TSHR: variants seen among roughly 807,000 people sequenced by gnomAD.
The protein encoded by TSHR is thyroid stimulating hormone receptor, also known as thyrotropin receptor.
Under a neutral mutation model 64.1 loss-of-function variants are expected in TSHR, and 51 were observed. The observed-to-expected ratio is 0.80, with a 90% CI of 0.64 to 1.01. The LOEUF is 1.01. Ranked by LOEUF, TSHR falls within the 50% of genes least tolerant of loss-of-function variation. TSHR has a pLI of 0.00. For synonymous variants in TSHR, 361 were observed against 361.9 expected (o/e 1.00, Z 0.03); for missense variants, 877 against 942.8 (o/e 0.93, Z 0.91).
chr14:80,986,260 G>T (rs140204721), intron 1 of TSHR, among the ~76,000 whole-genome samples: 1 of 152,106 alleles, frequency 6.6e-6, no homozygotes, highest in Non-Finnish European at 1.5e-5. Context: ...GATATTTATT[G>T]TCTTGGGGAC....
chr14:81,132,854 GAA>G (rs5810012), intron 8 of TSHR, among the ~76,000 whole-genome samples: 67 of 141,148 alleles, frequency 4.7e-4, no homozygotes, highest in Admixed American at 2.3e-3. Flanking sequence ...TTCTTACTCA[GAA>G]AAAAAAAAAA....
intron 8 of TSHR, among the ~76,000 whole-genome samples, chr14:81,131,311 G>T (rs2140087579): frequency 6.6e-6 from 1 of 152,204 alleles, no homozygotes; most frequent in Non-Finnish European, 1.5e-5. Context: ...TACCACCCTA[G>T]TCCAAAGCAC....
At chr14:81,092,416 G>T (rs1888813232) in intron 5 of TSHR, 115 bp from the exon 6 acceptor site, 3 of 1,011,214 alleles carry the variant, frequency 3.0e-6, no homozygotes, top group African/African-American at 1.6e-5. Flanking sequence ...AACTTAAAAA[G>T]AAATAAGATT....
At chr14:81,071,623 T>C (rs922901622) in intron 3 of TSHR, among the ~76,000 whole-genome samples, 2 of 152,068 alleles carry the variant, frequency 1.3e-5, no homozygotes, top group Admixed American at 6.6e-5. Flanking sequence ...TAGCTGAGCA[T>C]GGTAGTGCAA....
chr14:80,967,884 G>C (rs1222158901), intron 1 of TSHR, among the ~76,000 whole-genome samples: 1 of 152,162 alleles, frequency 6.6e-6, no homozygotes, highest in Non-Finnish European at 1.5e-5. Context: ...CAGGGAGAGA[G>C]GGAGAGTTTG....
At chr14:81,007,421 G>A (rs539853292) in intron 1 of TSHR, among the ~76,000 whole-genome samples, 13 of 152,270 alleles carry the variant, frequency 8.5e-5, no homozygotes, top group Admixed American at 3.3e-4. Context: ...TGAGAGTACT[G>A]GCCAGATATT....
At chr14:81,142,572 T>A (rs939464817) in intron 9 of TSHR, among the ~76,000 whole-genome samples, 1 of 151,506 alleles carries the variant, frequency 6.6e-6, no homozygotes, top group South Asian at 2.1e-4. Context: ...TTTTCATAAA[T>A]GTGGGAACCA....
intron 1 of TSHR, among the ~76,000 whole-genome samples, chr14:80,968,206 G>A (rs959221595): frequency 6.6e-6 from 1 of 152,148 alleles, no homozygotes; most frequent in Non-Finnish European, 1.5e-5. Flanking sequence ...AGAACTGGTA[G>A]CTGCAGCAGG....
At chr14:80,956,501 A>G (rs1398259061) in intron 1 of TSHR, among the ~76,000 whole-genome samples, 1 of 152,250 alleles carries the variant, frequency 6.6e-6, no homozygotes, top group Non-Finnish European at 1.5e-5. Flanking sequence ...ATGTTACCAG[A>G]TTAGAAACCT....
rs567898504 is a variant in TSHR at position 80,982,909 on chromosome 14, C to T, written c.170+27059C>T. On this transcript the variant is annotated intron_variant, in intron 1 of 9. Transcript: ENST00000298171. ...GATTAGGGAGGTAAATGGGATTAAG[C>T]CATTTGCTTACTCTTGCAAAATGGA... 9.7e-6 allele frequency: 5 copies of T among 514,898 alleles called. No homozygotes were observed. The South Asian group carries it at 1.2e-4, about 13-fold the overall frequency. The allele number at this position is 514,898 out of a possible 1,614,324, so 31.9% of individuals were successfully genotyped here.
chr14:81,075,863 T>C (rs1015057068), intron 3 of TSHR, among the ~76,000 whole-genome samples: 2 of 152,004 alleles, frequency 1.3e-5, no homozygotes, highest in African/African-American at 4.8e-5. Flanking sequence ...TATTGTGACA[T>C]TATTCACAAT....
chr14:81,143,140 A>G lies in TSHR; in HGVS notation c.1082A>G (p.Asp361Gly), dbSNP rs1211788059. 5 of 1,614,008 alleles carry G rather than the reference A, an allele frequency of 3.1e-6. No homozygotes were observed. The African/African-American group carries it at 5.3e-5, about 17-fold the overall frequency. The change falls in exon 10 of 10, where the codon GAT becomes GGT. Residue 361 changes from aspartate to glycine, a missense_variant. Transcript: ENST00000298171. ...TACGTCTTCTTTGAAGAACAAGAGG[A>G]TGAGATCATTGGTTTTGGCCAGGAG... ...HYYVFFEEQE[D>G]EIIGFGQELK...
intron 1 of TSHR, among the ~76,000 whole-genome samples, chr14:80,964,456 GT>G: frequency 6.6e-6 from 1 of 152,308 alleles, no homozygotes; most frequent in Non-Finnish European, 1.5e-5. Flanking sequence ...TAGAGTAGTA[GT>G]TTTTTGTCCA....
intron 1 of TSHR, among the ~76,000 whole-genome samples, chr14:81,017,245 C>T (rs955581228): frequency 1.3e-5 from 2 of 152,130 alleles, no homozygotes; most frequent in South Asian, 2.1e-4. Context: ...TTAAATGTGG[C>T]CAATGCCTTG....
intron 1 of TSHR, among the ~76,000 whole-genome samples, chr14:81,035,710 G>T (rs2139831622): frequency 6.6e-6 from 1 of 152,236 alleles, no homozygotes; most frequent in East Asian, 1.9e-4. Flanking sequence ...GGTAATGCTT[G>T]TGTTTTGTTT....
intron 8 of TSHR, among the ~76,000 whole-genome samples, chr14:81,138,905 C>T (rs766068701): frequency 6.6e-6 from 1 of 152,250 alleles, no homozygotes; most frequent in East Asian, 1.9e-4. Flanking sequence ...AGACATGGAA[C>T]CTGGACTCTC....
chr14:81,118,748 G>A (rs962191930), intron 8 of TSHR, among the ~76,000 whole-genome samples: 8 of 152,098 alleles, frequency 5.3e-5, no homozygotes, highest in African/African-American at 1.9e-4. Flanking sequence ...GAACAAAGCT[G>A]GAGGCATCAC....
chr14:80,997,576 A>C (rs113833668), intron 1 of TSHR, among the ~76,000 whole-genome samples: 2 of 152,246 alleles, frequency 1.3e-5, no homozygotes, highest in Non-Finnish European at 2.9e-5. Flanking sequence ...CTTTTACCCT[A>C]AAATGATCAT....
chr14:81,061,299 C>A (rs1199984234), intron 1 of TSHR, among the ~76,000 whole-genome samples: 1 of 152,006 alleles, frequency 6.6e-6, no homozygotes, highest in Non-Finnish European at 1.5e-5. Flanking sequence ...GCTATAAATT[C>A]AGTAGTCTTA....
Sources: gnomAD v4.1 joint callset for allele counts (sites outside exome capture counted in the v4.1 genomes callset) on GRCh38, gnomAD v4.1.1 for gene constraint, MANE v1.5 for transcripts, NCBI Gene and HGNC (gene_info 2026-07-23, HGNC 2026-07-21) for gene names.